NDUFA10: variants seen among roughly 807,000 people sequenced by gnomAD.
NDUFA10 encodes NADH:ubiquinone oxidoreductase subunit A10.
A neutral mutation model predicts 47.8 loss-of-function variants in NDUFA10; 40 were observed. That is an observed-to-expected ratio of 0.84 (90% CI 0.65 to 1.09). The LOEUF (loss-of-function observed/expected upper bound fraction) is 1.09, where lower values mean the gene tolerates loss of function less well. Among genes scored for constraint, NDUFA10 ranks in the 50% least tolerant of loss-of-function variants. The pLI, the probability that NDUFA10 is intolerant of heterozygous loss-of-function variation, is 0.00. For synonymous variants in NDUFA10, 183 were observed against 172.2 expected (o/e 1.06, Z -0.49); for missense variants, 413 against 451.1 (o/e 0.92, Z 0.76).
chr2:239,975,288 T>C (rs1468155888), intron 9 of NDUFA10, among the ~76,000 whole-genome samples: 1 of 152,254 alleles, frequency 6.6e-6, no homozygotes, highest in African/African-American at 2.4e-5. Context: ...CTATGCTTCC[T>C]GTACAGCCTG....
chr2:239,980,863 C>T (rs1208682667), intron 9 of NDUFA10, among the ~76,000 whole-genome samples: 1 of 152,218 alleles, frequency 6.6e-6, no homozygotes, highest in Non-Finnish European at 1.5e-5. Flanking sequence ...TGAAGGGCCA[C>T]ACCTCAGTGC....
chr2:239,921,366 G>C (rs561065158), intron 4 of NDUFA10, among the ~76,000 whole-genome samples: 2 of 145,150 alleles, frequency 1.4e-5, no homozygotes, highest in South Asian at 4.3e-4. Flanking sequence ...CTTCTACAGC[G>C]TGGAAAGGAA....
rs754450063 is a variant in NDUFA10, at chr2:240,021,287, T to C, written c.370A>G (p.Asn124Asp). The part of the protein sequence containing the change: ...LEKFYDDPRS[N>D]DGNSYRLQSW... The stretch of plus-strand genomic sequence containing the variant: ...TGCAGGCGGTAACTGTTGCCATCAT[T>C]GCTTCTCGGATCATCGTAAAATTTC... Residue 124 changes from asparagine to aspartate, a missense_variant, in exon 3 of 10, where the codon AAT becomes GAT. Coordinates refer to ENST00000252711, the MANE Select transcript of NDUFA10 (RefSeq NM_004544.4). 3 of 1,614,234 alleles carry C rather than the reference T, an allele frequency of 1.9e-6. No individual in the cohort carries two copies. The highest frequency in any genetic ancestry group is 2.5e-6 in the Non-Finnish European group (3 of 1,180,032).
intron 4 of NDUFA10, among the ~76,000 whole-genome samples, chr2:239,911,670 AGTGTGTGTGC>A (rs1327843044): frequency 5.5e-5 from 8 of 146,652 alleles, no homozygotes; most frequent in Admixed American, 5.4e-4. Flanking sequence ...AACATGAGAG[AGTGTGTGTGC>A]GTGTGTGTGT....
At chr2:240,023,247 G>T (rs1328714156) in intron 1 of NDUFA10, among the ~76,000 whole-genome samples, 1 of 152,098 alleles carries the variant, frequency 6.6e-6, no homozygotes, top group Non-Finnish European at 1.5e-5. Flanking sequence ...TACAGAAATT[G>T]TACAGAACAA....
chr2:239,978,796 G>A (rs1048454030), intron 9 of NDUFA10, among the ~76,000 whole-genome samples: 2 of 152,182 alleles, frequency 1.3e-5, no homozygotes, highest in African/African-American at 2.4e-5. Context: ...AAGGTGAGTC[G>A]CTAAAATAAG....
intron 1 of NDUFA10, among the ~76,000 whole-genome samples, chr2:240,025,022 A>G (rs898139129): frequency 2.6e-5 from 4 of 152,214 alleles, no homozygotes; most frequent in Non-Finnish European, 5.9e-5. Flanking sequence ...CTGAGATAAA[A>G]TGGCCTGGAG....
intron 4 of NDUFA10, among the ~76,000 whole-genome samples, chr2:239,927,583 G>C (rs954557433): frequency 6.6e-6 from 1 of 152,208 alleles, no homozygotes; most frequent in Admixed American, 6.5e-5. Flanking sequence ...CTCACAGCCT[G>C]GAGGGGGCTC....
At chr2:240,007,185 A>G in intron 7 of NDUFA10, 131 bp downstream of exon 7, 2 of 732,120 alleles carry the variant, frequency 2.7e-6, no homozygotes, top group South Asian at 3.1e-5. Flanking sequence ...TTTGACTGGC[A>G]CTGCTTTCAG....
chr2:239,929,362 C>T (rs1193796097), intron 4 of NDUFA10, among the ~76,000 whole-genome samples: 1 of 152,116 alleles, frequency 6.6e-6, no homozygotes, highest in East Asian at 1.9e-4. Flanking sequence ...CAGGGTCTCA[C>T]GAGGCCATTT....
chr2:239,996,801 T>A (rs1046561111), intron 8 of NDUFA10, among the ~76,000 whole-genome samples: 3 of 148,864 alleles, frequency 2.0e-5, no homozygotes, highest in Non-Finnish European at 3.0e-5. Context: ...CATTGTGAGT[T>A]TTTTTGCCTT....
At chr2:239,937,119 C>G (rs73101781) in intron 4 of NDUFA10, among the ~76,000 whole-genome samples, 1 of 152,188 alleles carries the variant, frequency 6.6e-6, no homozygotes, top group Non-Finnish European at 1.5e-5. Flanking sequence ...ACCCCAGAGA[C>G]GCTCACCGCA....
At chr2:239,951,202 G>A (rs1335175711) in intron 4 of NDUFA10, among the ~76,000 whole-genome samples, 1 of 152,202 alleles carries the variant, frequency 6.6e-6, no homozygotes, top group Admixed American at 6.5e-5. Flanking sequence ...CTACTATTGA[G>A]ACAGGGAACC....
At chr2:239,994,607 A>G (rs2106451321) in intron 8 of NDUFA10, among the ~76,000 whole-genome samples, 1 of 152,306 alleles carries the variant, frequency 6.6e-6, no homozygotes, top group African/African-American at 2.4e-5. Flanking sequence ...CACTTGAATC[A>G]TGCTGAAACC....
intron 4 of NDUFA10, among the ~76,000 whole-genome samples, chr2:239,916,053 C>CACACAGA (rs1553555313): frequency 1.3e-5 from 2 of 148,978 alleles, no homozygotes; most frequent in African/African-American, 2.5e-5. Flanking sequence ...CACAAACATA[C>CACACAGA]ACACACACAT....
At chr2:239,905,127 G>T (rs1372128424) in intron 4 of NDUFA10, among the ~76,000 whole-genome samples, 3 of 152,174 alleles carry the variant, frequency 2.0e-5, no homozygotes, top group African/African-American at 7.2e-5. Flanking sequence ...TCTCTGCTGG[G>T]TATAAACTCA....
At chr2:239,952,306 G>T (rs1456423635) in intron 4 of NDUFA10, among the ~76,000 whole-genome samples, 2 of 151,390 alleles carry the variant, frequency 1.3e-5, no homozygotes, top group African/African-American at 2.4e-5. Context: ...TGGGGAGGGG[G>T]GCCCAGGAGA....
At chr2:240,008,387 TA>T (rs1697022961) in intron 6 of NDUFA10, among the ~76,000 whole-genome samples, 1 of 152,234 alleles carries the variant, frequency 6.6e-6, no homozygotes. Context: ...CATTTGCCAT[TA>T]GGGCTGGCAA....
At chr2:239,998,149 C>A (rs531521451) in intron 8 of NDUFA10, among the ~76,000 whole-genome samples, 2 of 152,220 alleles carry the variant, frequency 1.3e-5, no homozygotes, top group Non-Finnish European at 2.9e-5. Context: ...ATTCTATATT[C>A]AACCTTTGTT....
Sources: allele counts gnomAD v4.1 joint callset (sites outside exome capture counted in the v4.1 genomes callset), GRCh38; gene constraint gnomAD v4.1.1; transcripts MANE v1.5; gene names NCBI Gene and HGNC (gene_info 2026-07-23, HGNC 2026-07-21).